DLC1: variants seen among roughly 807,000 people sequenced by gnomAD.
DLC1 encodes the protein DLC1 Rho GTPase activating protein.
A neutral mutation model predicts 140.3 loss-of-function variants in DLC1; 54 were observed. The ratio of observed to expected loss-of-function variants is 0.38; its 90% CI spans 0.31 to 0.48. The LOEUF is 0.48. Among genes scored for constraint, DLC1 ranks in the 20% least tolerant of loss-of-function variants. The probability of loss-of-function intolerance (pLI) is 0.96; values close to 1 mark genes in which losing one functional copy is unlikely to be tolerated. For synonymous variants in DLC1, 986 were observed against 728.1 expected (o/e 1.35, Z -5.70); for missense variants, 2,536 against 1,907.0 (o/e 1.33, Z -6.14).
At chr8:13,344,121 T>C (rs912688798) in intron 4 of DLC1, among the ~76,000 whole-genome samples, 1 of 152,212 alleles carries the variant, frequency 6.6e-6, no homozygotes, top group Non-Finnish European at 1.5e-5. Context: ...CAATACATAT[T>C]CAGTACTTAC....
intron 5 of DLC1, among the ~76,000 whole-genome samples, chr8:13,298,284 A>C (rs946201679): frequency 6.6e-6 from 1 of 152,202 alleles, no homozygotes; most frequent in Non-Finnish European, 1.5e-5. Context: ...CATCTTCTTC[A>C]ATGGCCCCCT....
chr8:13,092,894 G>C, intron 12 of DLC1, 69 bp from the exon 13 acceptor site: 1 of 1,520,126 alleles, frequency 6.6e-7, no homozygotes. Context: ...AAATGTCCCA[G>C]AGCAAATATC....
intron 5 of DLC1, among the ~76,000 whole-genome samples, chr8:13,161,551 G>T (rs1053278886): frequency 1.3e-5 from 2 of 152,122 alleles, no homozygotes; most frequent in South Asian, 4.2e-4. Flanking sequence ...TGTTGCCGCT[G>T]GTCTTGAATT....
At chr8:13,506,011 A>G (rs1802043916) in intron 1 of DLC1, among the ~76,000 whole-genome samples, 2 of 152,186 alleles carry the variant, frequency 1.3e-5, no homozygotes, top group South Asian at 4.1e-4. Flanking sequence ...CATCAAATGC[A>G]GGTATCTTAT....
intron 4 of DLC1, among the ~76,000 whole-genome samples, chr8:13,321,350 C>T (rs1213476830): frequency 1.3e-5 from 2 of 151,762 alleles, no homozygotes; most frequent in Non-Finnish European, 2.9e-5. Flanking sequence ...CCATCCTGGT[C>T]AACATGGTGA....
intron 4 of DLC1, among the ~76,000 whole-genome samples, chr8:13,329,295 G>T (rs375327331): frequency 3.3e-5 from 5 of 152,018 alleles, no homozygotes; most frequent in African/African-American, 4.8e-5. Context: ...ATTTTTTCAC[G>T]TCAAGACATA....
chr8:13,369,569 C>T (rs764932996), intron 4 of DLC1, among the ~76,000 whole-genome samples: 1 of 152,140 alleles, frequency 6.6e-6, no homozygotes, highest in Non-Finnish European at 1.5e-5. Flanking sequence ...CGGGCAGAAG[C>T]CCTGAAGTCA....
At position 13,100,585 on chromosome 8, in the gene DLC1, G is replaced by T; in HGVS notation, c.1752C>A (p.Asp584Glu). ...AAGACACCTCCTGGCGCTCGCTGAG[G>T]TCCATCAGCGTGCCTCCGGGGCTGG... ...DGPSPGGTLM[D>E]LSERQEVSSV... Residue 584 changes from aspartate (D) to glutamate (E), a missense_variant, in exon 9 of 18, where the codon GAC becomes GAA. Coordinates refer to ENST00000276297, the MANE Select transcript of DLC1 (RefSeq NM_182643.3). 1 of 1,613,872 alleles carries T rather than the reference G, an allele frequency of 6.2e-7. No homozygotes were observed. Among genetic ancestry groups the T allele is most frequent in the Non-Finnish European group, 8.5e-7 (1 of 1,179,934 alleles).
chr8:13,430,942 T>A (rs1838833149), intron 2 of DLC1, among the ~76,000 whole-genome samples: 1 of 152,204 alleles, frequency 6.6e-6, no homozygotes, highest in Non-Finnish European at 1.5e-5. Context: ...GTATGGCTAA[T>A]TGCTATCCTA....
rs561873439 is a variant in DLC1, at chr8:13,422,564, T to C, written c.1024-20945A>G. Among the ~76,000 whole-genome samples the C allele has an allele frequency of 1.2e-4, 18 of 152,238 alleles. No individual in the cohort carries two copies. In the East Asian group the frequency reaches 3.5e-3, roughly 29 times the overall value. ...TTTACTGCATACATTAGGTGACAAA[T>C]GGGTGTTGTGCCAGTGTAAGTCTCT... On this transcript the variant is annotated intron_variant, in intron 2 of 17. Coordinates refer to ENST00000276297, the MANE Select transcript of DLC1 (RefSeq NM_182643.3).
intron 2 of DLC1, among the ~76,000 whole-genome samples, chr8:13,468,873 T>C (rs1241034974): frequency 7.4e-6 from 1 of 135,990 alleles, no homozygotes; most frequent in Non-Finnish European, 1.5e-5. Context: ...CAGGCTGGAG[T>C]GCAGTGGTGC....
At chr8:13,400,811 A>G (rs1043122183) in intron 3 of DLC1, among the ~76,000 whole-genome samples, 1 of 152,148 alleles carries the variant, frequency 6.6e-6, no homozygotes, top group East Asian at 1.9e-4. Context: ...AAGGCCTTTA[A>G]TATGATGCTG....
intron 5 of DLC1, among the ~76,000 whole-genome samples, chr8:13,121,163 C>T (rs1241306376): frequency 2.6e-5 from 4 of 152,026 alleles, no homozygotes; most frequent in Non-Finnish European, 4.4e-5. Flanking sequence ...CCCTGGATTC[C>T]CTAAAATTTG....
At chr8:13,089,066 C>A (rs1012860751) in intron 15 of DLC1, among the ~76,000 whole-genome samples, 1 of 151,904 alleles carries the variant, frequency 6.6e-6, no homozygotes, top group Non-Finnish European at 1.5e-5. Context: ...CAAGACCAGC[C>A]TGGCCAACAT....
chr8:13,119,227 A>G (rs1820829384), intron 5 of DLC1, among the ~76,000 whole-genome samples: 1 of 26,070 alleles, frequency 3.8e-5, no homozygotes, highest in African/African-American at 9.0e-5. Context: ...GACCCTGTCT[A>G]AAAAAAAAAA....
chr8:13,448,180 C>T (rs1046334525), intron 2 of DLC1, among the ~76,000 whole-genome samples: 1 of 152,086 alleles, frequency 6.6e-6, no homozygotes, highest in African/African-American at 2.4e-5. Context: ...GACTCACTGC[C>T]ATTTGTTCTG....
chr8:13,091,879 T>C (rs540570461), intron 13 of DLC1, among the ~76,000 whole-genome samples: 1 of 152,288 alleles, frequency 6.6e-6, no homozygotes, highest in South Asian at 2.1e-4. Context: ...CTTCATCTTA[T>C]TTGATCTCTC....
chr8:13,112,697 G>C lies in DLC1; in HGVS notation c.1421-1874C>G, dbSNP rs560056525. Among the ~76,000 whole-genome samples the C allele has an allele frequency of 3.3e-5, 5 of 152,222 alleles. 1 individual carries two copies. The South Asian group carries it at 6.2e-4, about 19-fold the overall frequency. ...TTTGAAGGTTGTGACACTGTATTTT[G>C]CTTTTTTTTGTTTGTTTTCAAATTT... On this transcript the variant is annotated intron_variant, in intron 6 of 17. Transcript: ENST00000276297.
chr8:13,355,404 A>C (rs1196311965), intron 4 of DLC1, among the ~76,000 whole-genome samples: 2 of 152,142 alleles, frequency 1.3e-5, no homozygotes, highest in Non-Finnish European at 2.9e-5. Flanking sequence ...ACAAAATAAC[A>C]AGCACTACGT....
Sources: allele counts gnomAD v4.1 joint callset (sites outside exome capture counted in the v4.1 genomes callset), GRCh38; gene constraint gnomAD v4.1.1; transcripts MANE v1.5; gene names NCBI Gene and HGNC (gene_info 2026-07-23, HGNC 2026-07-21).